The following NCAM2 variants were observed in gnomAD, a reference collection of about 807,000 sequenced individuals.
NCAM2 encodes the protein N-CAM-2.
In NCAM2, 30 loss-of-function variants were observed where a neutral mutation model predicts 98.1. The observed-to-expected ratio is 0.31, with a 90% CI of 0.23 to 0.41. The LOEUF is 0.41. NCAM2 is among the 10% of genes least tolerant of loss of function. NCAM2 has a pLI of 1.00. For synonymous variants in NCAM2, 368 were observed against 342.4 expected (o/e 1.07, Z -0.83); for missense variants, 867 against 1,005.8 (o/e 0.86, Z 1.87).
chr21:21,280,537 G>T, intron 1 of NCAM2, 41 bp from the exon 2 acceptor site: 3 of 1,386,328 alleles, frequency 2.2e-6, no homozygotes, highest in African/African-American at 1.4e-5. Flanking sequence ...TAGAAATCAC[G>T]CTTAAAAATC....
intron 1 of NCAM2, among the ~76,000 whole-genome samples, chr21:21,204,297 A>G (rs991011202): frequency 1.3e-5 from 2 of 152,094 alleles, no homozygotes; most frequent in African/African-American, 2.4e-5. Flanking sequence ...AAATATAAAT[A>G]TTATTATTTA....
chr21:21,388,833 G>A (rs1240947703), intron 9 of NCAM2, among the ~76,000 whole-genome samples: 1 of 152,116 alleles, frequency 6.6e-6, no homozygotes, highest in Non-Finnish European at 1.5e-5. Flanking sequence ...TATGCTGTAA[G>A]TGTAAAGTAC....
intron 1 of NCAM2, among the ~76,000 whole-genome samples, chr21:21,003,961 G>A (rs771861336): frequency 2.0e-5 from 3 of 152,068 alleles, no homozygotes; most frequent in Non-Finnish European, 2.9e-5. Flanking sequence ...GGAATGATGC[G>A]CTTTTTTTTG....
chr21:21,006,108 A>C (rs767224370), intron 1 of NCAM2, among the ~76,000 whole-genome samples: 3 of 152,200 alleles, frequency 2.0e-5, no homozygotes, highest in Non-Finnish European at 4.4e-5. Context: ...AATACATTTA[A>C]GATATGATTC....
chr21:21,160,633 C>A lies in NCAM2; in HGVS notation c.56-119945C>A, dbSNP rs887144999. On this transcript the variant is annotated intron_variant, in intron 1 of 17. Transcript: ENST00000400546. Reference sequence around the variant, plus strand: ...ATGAATCTCATCTGTGAAATCATTTCTTTATTTCTTACTATTTACATTTGG... The same window carrying A: ...ATGAATCTCATCTGTGAAATCATTTATTTATTTCTTACTATTTACATTTGG... 3.3e-5 allele frequency among the ~76,000 whole-genome samples: 5 copies of A among 151,954 alleles called. No individual in the cohort carries two copies. In the East Asian group the frequency reaches 9.6e-4, roughly 29 times the overall value.
At chr21:21,369,411 A>G (rs1052008100) in intron 8 of NCAM2, among the ~76,000 whole-genome samples, 2 of 151,734 alleles carry the variant, frequency 1.3e-5, no homozygotes, top group African/African-American at 4.8e-5. Flanking sequence ...ACTTTTTGAC[A>G]TTATTAATAA....
At chr21:21,138,953 T>C (rs903159877) in intron 1 of NCAM2, among the ~76,000 whole-genome samples, 35 of 152,202 alleles carry the variant, frequency 2.3e-4, no homozygotes, top group East Asian at 1.9e-4. Context: ...ATAATAGTTA[T>C]ATAATGCAGT....
intron 5 of NCAM2, among the ~76,000 whole-genome samples, chr21:21,295,628 G>A (rs2073449589): frequency 6.6e-6 from 1 of 151,732 alleles, no homozygotes; most frequent in African/African-American, 2.4e-5. Flanking sequence ...CTTCCGCCAT[G>A]AAAAGAGCAT....
chr21:21,051,567 G>A (rs926034912), intron 1 of NCAM2, among the ~76,000 whole-genome samples: 1 of 152,196 alleles, frequency 6.6e-6, no homozygotes, highest in African/African-American at 2.4e-5. Context: ...CTTAGGCTGT[G>A]TTAGGCTGGG....
chr21:21,326,487 A>G (rs1026305307), intron 6 of NCAM2, among the ~76,000 whole-genome samples: 1 of 152,168 alleles, frequency 6.6e-6, no homozygotes, highest in Non-Finnish European at 1.5e-5. Flanking sequence ...TCACCAGAAT[A>G]CCAAGATCCT....
At chr21:21,259,721 T>C (rs1450996996) in intron 1 of NCAM2, among the ~76,000 whole-genome samples, 1 of 151,970 alleles carries the variant, frequency 6.6e-6, no homozygotes, top group Non-Finnish European at 1.5e-5. Flanking sequence ...AAATGTACAA[T>C]GGATTGCTAC....
chr21:21,229,260 G>T (rs1269046248), intron 1 of NCAM2, among the ~76,000 whole-genome samples: 1 of 151,446 alleles, frequency 6.6e-6, no homozygotes, highest in African/African-American at 2.4e-5. Context: ...ACCTATGTTT[G>T]ATTTGCTGCA....
intron 5 of NCAM2, among the ~76,000 whole-genome samples, chr21:21,322,905 A>G (rs922509321): frequency 1.3e-5 from 2 of 152,318 alleles, no homozygotes; most frequent in South Asian, 2.1e-4. Context: ...CACCACGTCC[A>G]TGTTAGTGGG....
intron 5 of NCAM2, among the ~76,000 whole-genome samples, chr21:21,292,766 G>A (rs2147581423): frequency 6.6e-6 from 1 of 151,862 alleles, no homozygotes; most frequent in East Asian, 1.9e-4. Flanking sequence ...TATGGAGCTG[G>A]AAAATACATT....
intron 4 of NCAM2, among the ~76,000 whole-genome samples, chr21:21,288,220 A>T (rs1601873232): frequency 6.6e-6 from 1 of 152,056 alleles, no homozygotes; most frequent in African/African-American, 2.4e-5. Flanking sequence ...GTTTTTAAAA[A>T]ATATATTTTT....
At chr21:21,223,462 G>A (rs1410439323) in intron 1 of NCAM2, 1 of 151,948 alleles carries the variant, frequency 6.6e-6, no homozygotes, top group Non-Finnish European at 1.5e-5. Flanking sequence ...CATGATTTCA[G>A]GTTATATAAA....
chr21:21,505,501 TA>T (rs948419899), intron 15 of NCAM2, among the ~76,000 whole-genome samples: 86 of 152,132 alleles, frequency 5.7e-4, no homozygotes, highest in African/African-American at 2.0e-3. Context: ...TTTCTAAAGA[TA>T]AAAATGAAGC....
chr21:21,448,143 C>A lies in NCAM2; in HGVS notation c.1654+15862C>A, dbSNP rs915943348. ...ACAATAGCAAAGTCACGGAGCCAAC[C>A]CAAATGCCCATCAATGATAGACTGG... On this transcript the variant is annotated intron_variant, in intron 12 of 17. Transcript: ENST00000400546. Among the ~76,000 whole-genome samples the A allele has an allele frequency of 6.6e-5, 10 of 151,994 alleles. 1 individual carries two copies. The highest frequency in any genetic ancestry group is 5.9e-4 in the Admixed American group (9 of 15,232).
chr21:21,144,312 G>T (rs532546560), intron 1 of NCAM2, among the ~76,000 whole-genome samples: 1 of 150,604 alleles, frequency 6.6e-6, no homozygotes, highest in Admixed American at 6.6e-5. Context: ...TTGTGCCACT[G>T]CACTCCAGGG....
Sources: allele counts gnomAD v4.1 joint callset (sites outside exome capture counted in the v4.1 genomes callset), GRCh38; gene constraint gnomAD v4.1.1; transcripts MANE v1.5; gene names NCBI Gene and HGNC (gene_info 2026-07-23, HGNC 2026-07-21).